The following SLC44A5 variants were observed in gnomAD, a reference collection of about 807,000 sequenced individuals.
SLC44A5 encodes the protein choline transporter-like protein 5.
SLC44A5 carries 57 observed loss-of-function variants against 101.8 expected under a neutral mutation model. That is an observed-to-expected ratio of 0.56 (90% CI 0.45 to 0.70). The LOEUF (loss-of-function observed/expected upper bound fraction) is 0.70. Ranked by LOEUF, SLC44A5 falls within the 30% of genes least tolerant of loss-of-function variation. The probability of loss-of-function intolerance (pLI) is 0.00; values close to 1 mark genes in which losing one functional copy is unlikely to be tolerated. For synonymous variants in SLC44A5, 281 were observed against 290.9 expected (o/e 0.97, Z 0.35); for missense variants, 737 against 853.1 (o/e 0.86, Z 1.70).
chr1:75,276,487 C>A (rs941410050), intron 5 of SLC44A5, among the ~76,000 whole-genome samples: 1 of 151,914 alleles, frequency 6.6e-6, no homozygotes, highest in South Asian at 2.1e-4. Flanking sequence ...GAAATGAGCA[C>A]CCGAAGCATT....
chr1:75,261,250 G>A lies in SLC44A5; in HGVS notation c.261-9956C>T, dbSNP rs190352674. Among the ~76,000 whole-genome samples the A allele has an allele frequency of 9.7e-4, 148 of 152,066 alleles. 1 individual carries two copies. The East Asian group carries it at 0.015, about 15-fold the overall frequency. ...AATCCAGGATCTGGTTTTTTGAAAT[G>A]ATGAACAAAATAGTCAGCTAGCGAG... On this transcript the variant is annotated intron_variant, in intron 6 of 23. Coordinates refer to ENST00000370859, the MANE Select transcript of SLC44A5 (RefSeq NM_001130058.2).
chr1:75,618,368 C>A, the SLC44A5 span, among the ~76,000 whole-genome samples: 2 of 152,130 alleles, frequency 1.3e-5, no homozygotes, highest in Non-Finnish European at 2.9e-5. Context: ...AAACTGAGAC[C>A]AAAAGACATT....
the SLC44A5 span, among the ~76,000 whole-genome samples, chr1:75,617,078 TA>T: frequency 6.6e-6 from 1 of 152,074 alleles, no homozygotes; most frequent in Non-Finnish European, 1.5e-5. Flanking sequence ...TTTAAGAATA[TA>T]AAGGAGTATC....
At chr1:75,502,307 A>G (rs1033470706) in intron 2 of SLC44A5, among the ~76,000 whole-genome samples, 8 of 152,306 alleles carry the variant, frequency 5.3e-5, no homozygotes, top group Admixed American at 2.6e-4. Context: ...TTTCCTGCAG[A>G]GGAGGGCACA....
intron 2 of SLC44A5, among the ~76,000 whole-genome samples, chr1:75,421,450 A>G (rs2101560397): frequency 6.6e-6 from 1 of 152,268 alleles, no homozygotes; most frequent in Admixed American, 6.5e-5. Context: ...AAAATGAATA[A>G]ATGGCAGCCC....
At position 75,598,613 on chromosome 1, in the gene SLC44A5, T is replaced by C. The variant is rs183081072; in HGVS notation, c.-70+12427A>G. Among the ~76,000 whole-genome samples, 662 of 150,426 alleles carry C rather than the reference T, an allele frequency of 4.4e-3. 5 individuals carry two copies. The highest frequency in any genetic ancestry group is 0.015 in the African/African-American group (635 of 41,356). ...GCAGCTATGAAAATGAAAAAGATCA[T>C]GTCCTTTGCAGGGACATGAATGGAG... On this transcript the variant is annotated intron_variant, in intron 1 of 23. Coordinates refer to ENST00000370859, the MANE Select transcript of SLC44A5 (RefSeq NM_001130058.2).
chr1:75,478,306 T>A (rs1216808157), intron 2 of SLC44A5, among the ~76,000 whole-genome samples: 3 of 152,072 alleles, frequency 2.0e-5, no homozygotes, highest in Non-Finnish European at 4.4e-5. Context: ...TCATGCCAAA[T>A]TGTAAAGACC....
intron 2 of SLC44A5, among the ~76,000 whole-genome samples, chr1:75,436,622 C>G (rs1474844873): frequency 6.6e-6 from 1 of 152,042 alleles, no homozygotes; most frequent in African/African-American, 2.4e-5. Flanking sequence ...GACTATACAA[C>G]CACTCAACAT....
intron 20 of SLC44A5, 98 bp downstream of exon 20, chr1:75,214,507 C>A: frequency 1.2e-6 from 1 of 817,776 alleles, no homozygotes; most frequent in Non-Finnish European, 1.9e-6. Context: ...TATTCATATC[C>A]AATAATGCCA....
intron 20 of SLC44A5, 81 bp downstream of exon 20, chr1:75,214,524 C>A: frequency 9.1e-7 from 1 of 1,099,748 alleles, no homozygotes; most frequent in Non-Finnish European, 1.3e-6. Flanking sequence ...GCCACCAACA[C>A]TTTAAATAAC....
the SLC44A5 span, among the ~76,000 whole-genome samples, chr1:75,707,609 ACTC>A: frequency 6.6e-6 from 1 of 151,948 alleles, no homozygotes; most frequent in African/African-American, 2.4e-5. Context: ...TTTTCCCACT[ACTC>A]TGACGGATCC....
chr1:75,522,207 G>A (rs1359761130), intron 2 of SLC44A5: 1 of 152,164 alleles, frequency 6.6e-6, no homozygotes, highest in Non-Finnish European at 1.5e-5. Context: ...CAAACGACAT[G>A]TAACAGAACC....
the SLC44A5 span, among the ~76,000 whole-genome samples, chr1:75,673,840 A>G: frequency 5.3e-5 from 8 of 152,150 alleles, no homozygotes; most frequent in Non-Finnish European, 1.0e-4. Context: ...AGTCTGCAAG[A>G]GCCATTGTTT....
rs35829590 is a variant in SLC44A5, at chr1:75,537,033, A to AAAAATATATATATATAT, written c.13+4401_13+4402insATATATATATATATTTT. Among the ~76,000 whole-genome samples, 210 of 42,788 alleles carry AAAAATATATATATATAT rather than the reference A, an allele frequency of 4.9e-3. 17 individuals carry two copies. The highest frequency in any genetic ancestry group is 8.4e-3 in the Non-Finnish European group (143 of 17,072). The allele number at this position is 42,788 out of a possible 152,430, so 28.1% of individuals were successfully genotyped here. ...AAAAAAAAAAAAAAAAAAAAAAAAA[A>AAAAATATATATATATAT]ATATATATCTATGCCAAATGATTCT... On this transcript the variant is annotated intron_variant, in intron 2 of 23. Coordinates refer to ENST00000370859, the MANE Select transcript of SLC44A5 (RefSeq NM_001130058.2).
At chr1:75,215,924 T>C (rs1237550050) in intron 18 of SLC44A5, 67 bp from the exon 19 acceptor site, 1 of 823,990 alleles carries the variant, frequency 1.2e-6, no homozygotes, top group East Asian at 2.6e-5. Context: ...AAAATAAATA[T>C]AATACAACAT....
chr1:75,537,033 A>AAAAAATATAT (rs35829590), intron 2 of SLC44A5, among the ~76,000 whole-genome samples: 2 of 43,016 alleles, frequency 4.6e-5, no homozygotes, highest in Non-Finnish European at 1.2e-4. Context: ...AAAAAAAAAA[A>AAAAAATATAT]ATATATATCT....
intron 3 of SLC44A5, among the ~76,000 whole-genome samples, chr1:75,388,777 TAA>T (rs748464401): frequency 2.2e-5 from 3 of 134,230 alleles, no homozygotes; most frequent in Admixed American, 7.6e-5. Context: ...AGACTCCGTC[TAA>T]AAAAAAAAAA....
At position 75,203,569 on chromosome 1, in the gene SLC44A5, A is replaced by T; in HGVS notation, c.*158T>A. 1.5e-6 allele frequency: 1 copy of T among 680,940 alleles called. No individual in the cohort carries two copies. Among genetic ancestry groups the T allele is most frequent in the Non-Finnish European group, 2.2e-6 (1 of 449,236 alleles). 42.2% of individuals were successfully genotyped at this position (680,940 alleles called of 1,614,324 possible). A position where few individuals can be genotyped will look rare whatever the true frequency, so the allele number is the denominator to read the frequency against. On this transcript the variant is annotated 3_prime_UTR_variant, in exon 24 of 24. Transcript: ENST00000370859. ...CTTGCGACTTCTGATGGCTTCACAT[A>T]GTACAGTATAAGCTTTGGTATAAAA...
At chr1:75,641,824 C>T in the SLC44A5 span, 2 of 1,499,526 alleles carry the variant, frequency 1.3e-6, no homozygotes, top group Non-Finnish European at 1.9e-6. Flanking sequence ...GCCAGTTTTC[C>T]ACTGGTTCCC....
Sources: gnomAD v4.1 joint callset for allele counts (sites outside exome capture counted in the v4.1 genomes callset) on GRCh38, gnomAD v4.1.1 for gene constraint, MANE v1.5 for transcripts, NCBI Gene and HGNC (gene_info 2026-07-23, HGNC 2026-07-21) for gene names.